Variants in ZNF275 observed in about 807,000 individuals in gnomAD.
ZNF275 encodes zinc finger protein 275.
Under a neutral mutation model 4.3 loss-of-function variants are expected in ZNF275, and 4 were observed. That is an observed-to-expected ratio of 0.93 (90% CI 0.46 to 2.13). The LOEUF is 2.13. Among genes scored for constraint, ZNF275 ranks in the 30% most tolerant of loss-of-function variants. The pLI is 0.02. For synonymous variants in ZNF275, 173 were observed against 166.9 expected (o/e 1.04, Z -0.28); for missense variants, 352 against 397.1 (o/e 0.89, Z 0.97).
chrX:153,335,800 T>C (rs988079918), intron 1 of ZNF275, among the ~76,000 whole-genome samples: 11 of 110,074 alleles, frequency 1.0e-4, no homozygotes, highest in Non-Finnish European at 1.7e-4. Context: ...CCTGGGGTGC[T>C]TGTTGAAAAA....
At position 153,347,489 on chromosome X, in the gene ZNF275, C is replaced by T. The variant is rs376411322; in HGVS notation, c.804C>T (p.Asp268=). Residue 268 remains aspartate (D), a synonymous_variant, in exon 4 of 4, where the codon GAC becomes GAT. Transcript: ENST00000650114. ...CTGGCCACCTGCCCTTCGACTGCGA[C>T]GACTGCGGCAAGTCCTTCCGAGGGG... ...MHTGHLPFDC[D]DCGKSFRGVN... The T allele has an allele frequency of 4.8e-4, 579 of 1,202,311 alleles. No individual in the cohort carries two copies. Among genetic ancestry groups the T allele is most frequent in the Non-Finnish European group, 6.2e-4 (556 of 890,963 alleles).
At chrX:153,344,721 G>T (rs1556961354) in intron 2 of ZNF275, 1 of 373,528 alleles carries the variant, frequency 2.7e-6, no homozygotes, top group Admixed American at 2.6e-5. Flanking sequence ...CAAGGGAGTG[G>T]TTTAAGCTGG....
intron 2 of ZNF275, among the ~76,000 whole-genome samples, chrX:153,341,505 T>C (rs1556961044): frequency 8.9e-6 from 1 of 112,337 alleles, no homozygotes; most frequent in East Asian, 2.8e-4. Context: ...AAAAGCATTG[T>C]ATATTTCCCC....
rs371174839 is a variant in ZNF275 at position 153,334,199 on chromosome X, C to A, written c.-133C>A. 1.3e-4 allele frequency: 15 copies of A among 111,429 alleles called. 2 individuals are homozygous for A. The East Asian group carries it at 4.3e-3, about 32-fold the overall frequency. 9.2% of individuals were successfully genotyped at this position (111,429 alleles called of 1,213,427 possible). A position where few individuals can be genotyped will look rare whatever the true frequency, so the allele number is the denominator to read the frequency against. On this transcript the variant is annotated 5_prime_UTR_variant, in exon 1 of 4. Coordinates refer to ENST00000650114, the MANE Select transcript of ZNF275 (RefSeq NM_001367757.1). ...TAGCTCGGCTGGGCACGGGCGGCTCCGTGGCGCTTCCTGCCACGCCAGGCC... is the reference window on the plus strand; with the variant it reads ...TAGCTCGGCTGGGCACGGGCGGCTCAGTGGCGCTTCCTGCCACGCCAGGCC...
rs1264468330 is a variant in ZNF275, at chrX:153,349,157, C to T, written c.*1182C>T. 1.6e-5 allele frequency: 2 copies of T among 123,858 alleles called. No homozygotes were observed. The highest frequency in any genetic ancestry group is 3.2e-5 in the African/African-American group (1 of 30,963). 10.2% of individuals were successfully genotyped at this position (123,858 alleles called of 1,213,427 possible). Reference sequence around the variant, plus strand: ...CCTAGATGGTACTTCTCCAGCCTTCCGTTTCTTGTTCTATAAAACAGGGGT... The same window carrying T: ...CCTAGATGGTACTTCTCCAGCCTTCTGTTTCTTGTTCTATAAAACAGGGGT... On this transcript the variant is annotated 3_prime_UTR_variant, in exon 4 of 4. Transcript: ENST00000650114.
chrX:153,344,222 G>A, intron 2 of ZNF275: 1 of 324,501 alleles, frequency 3.1e-6, no homozygotes, highest in Non-Finnish European at 5.9e-6. Flanking sequence ...GGTGAGCTGT[G>A]CTTCCCTCTG....
At position 153,347,759 on chromosome X, in the gene ZNF275, C is replaced by T. The variant is rs2088529571; in HGVS notation, c.1074C>T (p.Phe358=). Residue 358 remains phenylalanine, a synonymous_variant, in exon 4 of 4, where the codon TTC becomes TTT. Transcript: ENST00000650114. ...PYACGECGKA[F]RGPSDLIKHR... ...CATGCGGCGAGTGTGGCAAGGCCTT[C>T]CGTGGGCCCTCTGACCTCATCAAGC... 4 of 1,209,137 alleles carry T rather than the reference C, an allele frequency of 3.3e-6. No individual in the cohort carries two copies. Among genetic ancestry groups the T allele is most frequent in the Non-Finnish European group, 4.5e-6 (4 of 893,860 alleles).
Position 153,350,811 on chromosome X carries a change from C to G in ZNF275, c.*2836C>G. The G allele has an allele frequency of 8.0e-6, 1 of 125,346 alleles. No homozygotes were observed. The allele number at this position is 125,346 out of a possible 1,213,427, so 10.3% of individuals were successfully genotyped here. A position where few individuals can be genotyped will look rare whatever the true frequency, so the allele number is the denominator to read the frequency against. On this transcript the variant is annotated 3_prime_UTR_variant, in exon 4 of 4. Transcript: ENST00000650114. ...GTGTCTGAAATCACTACTTTCTTCT[C>G]GGATCCTTTTTCTCTTTTCGAGTTG...
chrX:153,340,957 C>T (rs1556961007), intron 2 of ZNF275, among the ~76,000 whole-genome samples: 2 of 112,205 alleles, frequency 1.8e-5, no homozygotes, highest in East Asian at 2.8e-4. Flanking sequence ...AGTTCTAGGA[C>T]TCTGGTAGTG....
chrX:153,340,495 T>C (rs1300419191), intron 2 of ZNF275, among the ~76,000 whole-genome samples: 3 of 113,095 alleles, frequency 2.7e-5, no homozygotes, highest in Non-Finnish European at 5.6e-5. Context: ...ATTGACTCCT[T>C]GGCCTCAGCC....
chrX:153,352,065 T>A lies in ZNF275; in HGVS notation c.*4090T>A. ...ACAAGGAAACAGAAGCTTCTAGGCA[T>A]CAGAAGGTGTGGGGAGCAGCACAGT... is the stretch of plus-strand genomic sequence containing the variant. On this transcript the variant is annotated 3_prime_UTR_variant, in exon 4 of 4. Coordinates refer to ENST00000650114, the MANE Select transcript of ZNF275 (RefSeq NM_001367757.1). 8.9e-6 allele frequency: 1 copy of A among 111,787 alleles called. No individual in the cohort carries two copies. The highest frequency in any genetic ancestry group is 1.9e-5 in the Non-Finnish European group (1 of 53,165). The allele number at this position is 111,787 out of a possible 1,213,427, so 9.2% of individuals were successfully genotyped here. A position where few individuals can be genotyped will look rare whatever the true frequency, so the allele number is the denominator to read the frequency against.
At position 153,347,271 on chromosome X, in the gene ZNF275, C is replaced by T; in HGVS notation, c.586C>T (p.Leu196=). Residue 196 remains leucine, a synonymous_variant, in exon 4 of 4, where the codon CTG becomes TTG. Coordinates refer to ENST00000650114, the MANE Select transcript of ZNF275 (RefSeq NM_001367757.1). ...CGKRFKKNAG[L]SQHLRVHSRE... ...AAAACGGTTTAAGAAGAATGCAGGC[C>T]TGAGTCAGCATCTGAGGGTCCACAG... 2 of 1,211,731 alleles carry T rather than the reference C, an allele frequency of 1.7e-6. No homozygotes were observed. Among genetic ancestry groups the T allele is most frequent in the Non-Finnish European group, 2.2e-6 (2 of 895,376 alleles).
chrX:153,348,712 C>T lies in ZNF275; in HGVS notation c.*737C>T, dbSNP rs1280928934. 1 of 122,642 alleles carries T rather than the reference C, an allele frequency of 8.2e-6. No individual in the cohort carries two copies. The highest frequency in any genetic ancestry group is 1.9e-5 in the Non-Finnish European group (1 of 53,164). The allele number at this position is 122,642 out of a possible 1,213,427, so 10.1% of individuals were successfully genotyped here. ...TGAGGCTCTCATTAGAAATTTTCTC[C>T]CAAGCCATAAGACCATATTTGCAGA... On this transcript the variant is annotated 3_prime_UTR_variant, in exon 4 of 4. Transcript: ENST00000650114.
Position 153,346,958 on chromosome X carries a change from C to A in ZNF275, c.273C>A (p.Ser91Arg). 2.5e-6 allele frequency: 3 copies of A among 1,211,422 alleles called. No homozygotes were observed. The highest frequency in any genetic ancestry group is 3.4e-6 in the Non-Finnish European group (3 of 895,364). The change falls in exon 4 of 4, where the codon AGC becomes AGA. Residue 91 changes from serine to arginine, a missense_variant. Coordinates refer to ENST00000650114, the MANE Select transcript of ZNF275 (RefSeq NM_001367757.1). ...GGGACTCTGACGGGAAGAGAGGGAG[C>A]CCACAGAATCTGCCCATAGAACATC... ...QHGDSDGKRG[S>R]PQNLPIEHHF...
chrX:153,346,944 G>A lies in ZNF275; in HGVS notation c.259G>A (p.Gly87Arg). The A allele has an allele frequency of 1.2e-5, 14 of 1,211,552 alleles. No individual in the cohort carries two copies. The highest frequency in any genetic ancestry group is 1.5e-5 in the Non-Finnish European group (13 of 895,434). ...ATTCAGACAGCACGGGGACTCTGAC[G>A]GGAAGAGAGGGAGCCCACAGAATCT... ...PEFRQHGDSDGKRGSPQNLPI... is the reference protein window; with the variant it reads ...PEFRQHGDSDRKRGSPQNLPI... Residue 87 changes from glycine to arginine, a missense_variant, in exon 4 of 4, where the codon GGG (glycine) becomes AGG (arginine). By Grantham distance (125) the Gly-to-Arg change is moderately radical. Transcript: ENST00000650114.
Position 153,347,189 on chromosome X carries a change from G to A in ZNF275, c.504G>A (p.Ala168=), listed in dbSNP as rs781844061. 5.0e-5 allele frequency: 60 copies of A among 1,207,951 alleles called. 1 individual carries two copies. The highest frequency in any genetic ancestry group is 2.6e-4 in the African/African-American group (15 of 56,993). The change falls in exon 4 of 4, where the codon GCG becomes GCA. Residue 168 remains alanine, a synonymous_variant. Coordinates refer to ENST00000650114, the MANE Select transcript of ZNF275 (RefSeq NM_001367757.1). Reference sequence around the variant, plus strand: ...CCAGTAGGGCCCTGGAGAATGCCGCGGAGAAGAGGGAGCAGATGGAGAGGG... The same window carrying A: ...CCAGTAGGGCCCTGGAGAATGCCGCAGAGAAGAGGGAGCAGATGGAGAGGG... ...PGPSRALENA[A]EKREQMEREA... is the part of the protein sequence containing the mutation.
Position 153,347,996 on chromosome X carries a change from G to T in ZNF275, c.*21G>T. 1 of 1,094,008 alleles carries T rather than the reference G, an allele frequency of 9.1e-7. No homozygotes were observed. The highest frequency in any genetic ancestry group is 2.3e-5 in the South Asian group (1 of 42,813). The allele number at this position is 1,094,008 out of a possible 1,213,427, so 90.2% of individuals were successfully genotyped here. A position where few individuals can be genotyped will look rare whatever the true frequency, so the allele number is the denominator to read the frequency against. ...AGTAGAAACGCCCTGTGGTCCCGCG[G>T]GACAGGGACGGAGTCCCCAGAGGGG... is the stretch of plus-strand genomic sequence containing the variant. On this transcript the variant is annotated 3_prime_UTR_variant, in exon 4 of 4. Transcript: ENST00000650114.
At chrX:153,344,231 T>G in intron 2 of ZNF275, 1 of 323,428 alleles carries the variant, frequency 3.1e-6, no homozygotes, top group Non-Finnish European at 6.0e-6. Context: ...TGCTTCCCTC[T>G]GCCTTGCTTG....
rs368716521 is a variant in ZNF275, at chrX:153,347,919, C to A, written c.1234C>A (p.Arg412Ser). 2.6e-6 allele frequency: 3 copies of A among 1,170,044 alleles called. No homozygotes were observed. Among genetic ancestry groups the A allele is most frequent in the Non-Finnish European group, 3.4e-6 (3 of 873,046 alleles). ...GCGCTGCGAATGCAGCCAGTGTGGC[C>A]GCGTGTTCAAGAGGCGCTCGGCACT... ...ARRCECSQCGRVFKRRSALQK... is the reference protein window; with the variant it reads ...ARRCECSQCGSVFKRRSALQK... Residue 412 changes from arginine to serine, a missense_variant, in exon 4 of 4, where the codon CGC becomes AGC. By Grantham distance (110) the Arg-to-Ser change is moderately radical (BLOSUM62 -1). Transcript: ENST00000650114.
Sources: allele counts gnomAD v4.1 joint callset (sites outside exome capture counted in the v4.1 genomes callset), GRCh38; gene constraint gnomAD v4.1.1; transcripts MANE v1.5; gene names NCBI Gene and HGNC (gene_info 2026-07-23, HGNC 2026-07-21).